The following ATF7 variants were observed in gnomAD, a reference collection of about 807,000 sequenced individuals.
The protein encoded by ATF7 is activating transcription factor 7, also known as cyclic AMP-dependent transcription factor ATF-7.
Under a neutral mutation model 50.4 loss-of-function variants are expected in ATF7, and 10 were observed. That is an observed-to-expected ratio of 0.20 (90% CI 0.12 to 0.34). The LOEUF (loss-of-function observed/expected upper bound fraction) is 0.34, where lower values mean the gene tolerates loss of function less well. Ranked by LOEUF, ATF7 falls within the 10% of genes least tolerant of loss-of-function variation. The pLI is 1.00. For synonymous variants in ATF7, 201 were observed against 226.4 expected (o/e 0.89, Z 1.01); for missense variants, 465 against 613.9 (o/e 0.76, Z 2.56).
chr12:53,601,069 C>CAA (rs369709383), intron 1 of ATF7, 48 bp from the exon 2 acceptor site: 1,551 of 938,744 alleles, frequency 1.7e-3, no homozygotes, highest in East Asian at 5.5e-3. Flanking sequence ...TATGCTGGAG[C>CAA]AAAAAAAAAA....
chr12:53,528,768 A>G (rs1465856669), intron 9 of ATF7, among the ~76,000 whole-genome samples: 7 of 152,304 alleles, frequency 4.6e-5, no homozygotes, highest in South Asian at 4.1e-4. Context: ...ATCTTAAAAA[A>G]AAAAGAAAAG....
chr12:53,511,771 G>A (rs548334252), downstream of ATF7, among the ~76,000 whole-genome samples: 17 of 152,326 alleles, frequency 1.1e-4, no homozygotes, highest in Admixed American at 9.1e-4. Context: ...CACATACTAA[G>A]TTTCCTGTGA....
At position 53,542,142 on chromosome 12, in the gene ATF7, C is replaced by T. The variant is rs1189579337; in HGVS notation, c.264+1188G>A. On this transcript the variant is annotated intron_variant, in intron 4 of 11. Coordinates refer to ENST00000420353, the MANE Select transcript of ATF7 (RefSeq NM_006856.3). ...TTTTTTTTTTAAGAGATAGGGTCTC[C>T]GGGCCAGGCGTGGTGGTTTACGCCT... is the stretch of plus-strand genomic sequence containing the variant. 6.0e-5 allele frequency among the ~76,000 whole-genome samples: 7 copies of T among 117,072 alleles called. No homozygotes were observed. The East Asian group carries it at 1.5e-3, about 25-fold the overall frequency. 76.8% of individuals were successfully genotyped at this position (117,072 alleles called of 152,430 possible).
At chr12:53,529,558 G>A (rs1453068418) in intron 9 of ATF7, among the ~76,000 whole-genome samples, 3 of 149,452 alleles carry the variant, frequency 2.0e-5, no homozygotes, top group South Asian at 2.1e-4. Context: ...GGCTGGTCTC[G>A]AACTCTTGAC....
intron 3 of ATF7, among the ~76,000 whole-genome samples, chr12:53,549,266 G>A (rs1415503312): frequency 4.2e-5 from 6 of 142,174 alleles, no homozygotes; most frequent in East Asian, 2.1e-4. Flanking sequence ...CAGCCTGGGC[G>A]ACAGAACGAG....
intron 3 of ATF7, among the ~76,000 whole-genome samples, chr12:53,550,336 A>AT (rs1217988905): frequency 2.3e-5 from 2 of 88,420 alleles, no homozygotes; most frequent in Non-Finnish European, 5.1e-5. Context: ...AAAAAAAAAT[A>AT]AATAAATAAA....
chr12:53,515,132 G>C lies in ATF7; in HGVS notation c.*2005C>G, dbSNP rs935504635. On this transcript the variant is annotated 3_prime_UTR_variant, in exon 12 of 12. Coordinates refer to ENST00000420353, the MANE Select transcript of ATF7 (RefSeq NM_006856.3). ...TTCCTGTTGGGTACCTGATGGTAGA[G>C]GATGAGAAAACCGTGTTTTCTCTCC... The C allele has an allele frequency of 3.3e-5, 5 of 152,206 alleles. No individual in the cohort carries two copies. Among genetic ancestry groups the C allele is most frequent in the Admixed American group, 2.0e-4 (3 of 15,276 alleles). 9.4% of individuals were successfully genotyped at this position (152,206 alleles called of 1,614,324 possible).
chr12:53,562,984 C>T (rs1401069115), intron 2 of ATF7, among the ~76,000 whole-genome samples: 37 of 152,096 alleles, frequency 2.4e-4, no homozygotes, highest in Admixed American at 2.4e-3. Context: ...GTCCTCTTGT[C>T]CTTGTTTATG....
intron 1 of ATF7, among the ~76,000 whole-genome samples, chr12:53,612,466 G>A (rs1943925976): frequency 6.6e-6 from 1 of 151,976 alleles, no homozygotes; most frequent in African/African-American, 2.4e-5. Flanking sequence ...TAGACATGGG[G>A]TTTCACCACA....
At chr12:53,589,709 A>C (rs1212069122) in intron 2 of ATF7, among the ~76,000 whole-genome samples, 1 of 152,172 alleles carries the variant, frequency 6.6e-6, no homozygotes, top group Non-Finnish European at 1.5e-5. Flanking sequence ...TCTATGAAAG[A>C]AGATCCTACT....
chr12:53,622,496 T>C (rs1944427315), intron 1 of ATF7, among the ~76,000 whole-genome samples: 1 of 151,732 alleles, frequency 6.6e-6, no homozygotes, highest in Non-Finnish European at 1.5e-5. Flanking sequence ...GGCGGGCGCC[T>C]GCTAGTCCCA....
intron 2 of ATF7, among the ~76,000 whole-genome samples, chr12:53,590,136 T>C (rs1205497263): frequency 6.6e-6 from 1 of 152,118 alleles, no homozygotes; most frequent in Non-Finnish European, 1.5e-5. Flanking sequence ...TAAACTTCAA[T>C]ATCTCCTTTG....
At chr12:53,610,743 C>T (rs1042250253) in intron 1 of ATF7, among the ~76,000 whole-genome samples, 5 of 151,900 alleles carry the variant, frequency 3.3e-5, no homozygotes, top group Non-Finnish European at 5.9e-5. Context: ...ATAAATGTCC[C>T]GAAACATGAA....
intron 11 of ATF7, 146 bp from the exon 12 acceptor site, chr12:53,517,500 C>T (rs945514405): frequency 1.3e-6 from 1 of 765,358 alleles, no homozygotes; most frequent in African/African-American, 1.8e-5. Context: ...TTCCCAGAAT[C>T]CTGGCTTCTA....
At chr12:53,571,156 G>A (rs552155695) in intron 2 of ATF7, among the ~76,000 whole-genome samples, 22 of 152,128 alleles carry the variant, frequency 1.4e-4, no homozygotes, top group African/African-American at 5.3e-4. Context: ...CATAGAGATT[G>A]AAGTGATGTA....
chr12:53,550,782 G>A (rs948866614), intron 3 of ATF7, among the ~76,000 whole-genome samples: 6 of 152,178 alleles, frequency 3.9e-5, no homozygotes, highest in African/African-American at 1.2e-4. Flanking sequence ...AATTACCAGC[G>A]TAGATATATG....
intron 2 of ATF7, among the ~76,000 whole-genome samples, chr12:53,581,577 C>T (rs1166725968): frequency 6.6e-6 from 1 of 151,942 alleles, no homozygotes; most frequent in African/African-American, 2.4e-5. Flanking sequence ...AAATAACATA[C>T]TTCTAAATAA....
chr12:53,597,204 T>C (rs2137803519), intron 2 of ATF7, among the ~76,000 whole-genome samples: 1 of 152,004 alleles, frequency 6.6e-6, no homozygotes, highest in South Asian at 2.1e-4. Context: ...TTTAAGCACA[T>C]GCAGCATATT....
intron 2 of ATF7, among the ~76,000 whole-genome samples, chr12:53,571,750 GCTCT>G (rs1941777159): frequency 6.6e-6 from 1 of 151,728 alleles, no homozygotes; most frequent in South Asian, 2.1e-4. Flanking sequence ...CTATTACATG[GCTCT>G]CTAATTTCTA....
Sources: gnomAD v4.1 joint callset for allele counts (sites outside exome capture counted in the v4.1 genomes callset) on GRCh38, gnomAD v4.1.1 for gene constraint, MANE v1.5 for transcripts, NCBI Gene and HGNC (gene_info 2026-07-23, HGNC 2026-07-21) for gene names.